RARG: variants seen among roughly 807,000 people sequenced by gnomAD.
RARG encodes RAR-gamma.
A neutral mutation model predicts 43.7 loss-of-function variants in RARG; 17 were observed. The observed-to-expected ratio is 0.39, with a 90% CI of 0.27 to 0.58. The LOEUF (loss-of-function observed/expected upper bound fraction) is 0.58. Among genes scored for constraint, RARG ranks in the 20% least tolerant of loss-of-function variants. The pLI is 0.57. For synonymous variants in RARG, 238 were observed against 236.4 expected, an observed-to-expected ratio of 1.01 and a Z score of -0.06; for missense variants, 346 against 598.7, an observed-to-expected ratio of 0.58 and a Z score of 4.40.
Position 53,211,747 on chromosome 12 carries a change from G to A in RARG, c.1294C>T (p.His432Tyr), listed in dbSNP as rs937877745. 7 of 1,568,384 alleles carry A rather than the reference G, an allele frequency of 4.5e-6. No homozygotes were observed. Among genetic ancestry groups the A allele is most frequent in the African/African-American group, 1.4e-5 (1 of 71,724 alleles). Residue 432 changes from histidine to tyrosine, a missense_variant, in exon 10 of 10, where the codon CAC becomes TAC. Physicochemically the swap from His to Tyr is moderately conservative, Grantham distance 83. This residue lies in a region of RARG where 40 missense variants were observed against 44.6 expected (regional missense o/e 0.90). Coordinates refer to ENST00000425354, the MANE Select transcript of RARG (RefSeq NM_000966.6). The surrounding 1 kb of genome is among the most constrained non-coding windows in gnomAD (Gnocchi z 4.6). Reference protein sequence around the residue: ...FEDDSSQPGPHPNASSEDEVP... With the variant: ...FEDDSSQPGPYPNASSEDEVP... ...TCATCCTCGCTAGAGGCATTGGGGTGGGGACCAGGCTGCGAGGAGTCATCC... is the reference window on the plus strand; with the variant it reads ...TCATCCTCGCTAGAGGCATTGGGGTAGGGACCAGGCTGCGAGGAGTCATCC...
Position 53,213,620 on chromosome 12 carries a change from C to T in RARG, c.894G>A (p.Gln298=), listed in dbSNP as rs1357769018. ...GGGGCCCGAAGCCGGCATTGTGCAT[C>T]TGGGTCCGGTTCAGGGTCAGCCCGT... ...FSDGLTLNRT[Q]MHNAGFGPLT... is the part of the protein sequence containing the mutation. The change falls in exon 8 of 10, where the codon CAG becomes CAA. Residue 298 remains glutamine, a synonymous_variant. Transcript: ENST00000425354. The surrounding 1 kb of genome is among the most constrained non-coding windows in gnomAD (Gnocchi z 4.7). The T allele has an allele frequency of 6.2e-7, 1 of 1,614,070 alleles. No individual in the cohort carries two copies. The highest frequency in any genetic ancestry group is 1.7e-5 in the Admixed American group (1 of 60,024).
Position 53,227,394 on chromosome 12 carries a change from T to C in RARG, c.152A>G (p.Gln51Arg). The change falls in exon 3 of 10, where the codon CAG (glutamine) becomes CGG (arginine). Residue 51 changes from glutamine to arginine, a missense_variant. Transcript: ENST00000425354. This position sits in a 1 kb window ranked among gnomAD's most constrained non-coding sequence, Gnocchi z 4.3. ...GGCCATCTCCTTGGGGAGGTCAGGC[T>C]GGCCCAGGCCCCGGAAGCTAGGGCT... is the stretch of plus-strand genomic sequence containing the variant. ...MLSPSFRGLGQPDLPKEMASL... is the reference protein window; with the variant it reads ...MLSPSFRGLGRPDLPKEMASL... 2 of 1,596,936 alleles carry C rather than the reference T, an allele frequency of 1.3e-6. No homozygotes were observed. The highest frequency in any genetic ancestry group is 1.7e-6 in the Non-Finnish European group (2 of 1,172,166).
At chr12:53,217,919 ACCTC>A (rs1942824096) in intron 3 of RARG, among the ~76,000 whole-genome samples, 1 of 152,088 alleles carries the variant, frequency 6.6e-6, no homozygotes, top group African/African-American at 2.4e-5. Context: ...TCTAGCACAC[ACCTC>A]CTTGGAGACA....
Position 53,211,787 on chromosome 12 carries a change from G to A in RARG, c.1254C>T (p.Asn418=). 1 of 1,563,098 alleles carries A rather than the reference G, an allele frequency of 6.4e-7. No homozygotes were observed. The highest frequency in any genetic ancestry group is 8.7e-7 in the Non-Finnish European group (1 of 1,153,888). ...MPPLIREMLE[N]PEMFEDDSSQ... ...AGGAGTCATCCTCAAACATTTCAGG[G>A]TTCTCCAGCATCTCTCGGATTAAGG... Residue 418 remains asparagine, a synonymous_variant, in exon 10 of 10, where the codon AAC becomes AAT. Coordinates refer to ENST00000425354, the MANE Select transcript of RARG (RefSeq NM_000966.6). The surrounding 1 kb of genome is among the most constrained non-coding windows in gnomAD (Gnocchi z 4.6).
In RARG at chr12:53,223,064, G is replaced by A. The variant is rs562086059; in HGVS notation, c.184+4298C>T. Among the ~76,000 whole-genome samples the A allele has an allele frequency of 7.2e-5, 11 of 152,124 alleles. No homozygotes were observed. In the East Asian group the frequency reaches 1.7e-3, roughly 24 times the overall value. ...AAGCCATTAGCACTCAGATTCTTTC[G>A]GGGTCACCCCTTAGAGTCCCTGCCA... is the stretch of plus-strand genomic sequence containing the variant. On this transcript the variant is annotated intron_variant, in intron 3 of 9. Coordinates refer to ENST00000425354, the MANE Select transcript of RARG (RefSeq NM_000966.6).
chr12:53,220,086 C>T, intron 3 of RARG: 1 of 1,550,222 alleles, frequency 6.5e-7, no homozygotes, highest in Non-Finnish European at 8.7e-7. Flanking sequence ...CAAACGTTTC[C>T]ATACAGTCGT....
intron 3 of RARG, among the ~76,000 whole-genome samples, chr12:53,222,733 C>T (rs1817380596): frequency 1.3e-5 from 2 of 151,620 alleles, no homozygotes; most frequent in African/African-American, 4.9e-5. Flanking sequence ...TCAACCCTGA[C>T]CCCCCCATTC....
intron 2 of RARG, among the ~76,000 whole-genome samples, chr12:53,229,491 C>A (rs971170280): frequency 5.9e-5 from 9 of 152,204 alleles, no homozygotes; most frequent in Admixed American, 1.3e-4. Flanking sequence ...CTGCCCCTCA[C>A]CATGGCACCA....
chr12:53,217,675 C>T (rs1164514434), intron 3 of RARG, among the ~76,000 whole-genome samples: 10 of 152,222 alleles, frequency 6.6e-5, no homozygotes, highest in Non-Finnish European at 2.9e-5. Flanking sequence ...CAATCAGATC[C>T]CCTCCCCAGA....
chr12:53,230,533 G>A (rs1420041478), intron 2 of RARG, among the ~76,000 whole-genome samples: 1 of 152,152 alleles, frequency 6.6e-6, no homozygotes, highest in East Asian at 1.9e-4. Flanking sequence ...CTCCCCAGGA[G>A]GCAGCAGTGG....
chr12:53,223,151 C>A (rs184339015), intron 3 of RARG, among the ~76,000 whole-genome samples: 2 of 152,346 alleles, frequency 1.3e-5, no homozygotes, highest in East Asian at 1.9e-4. Context: ...TCCTCATGCA[C>A]CCTGCCTTTC....
In RARG at chr12:53,227,766, G is replaced by C. The variant is rs1943142458; in HGVS notation, c.-142-79C>G. ...CAAGCCCTGTGACCCTCTCTCAGTT[G>C]CAGTCTTCTCCCTCTGTGCTGCTAC... is the stretch of plus-strand genomic sequence containing the variant. On this transcript the variant is annotated intron_variant, in intron 2 of 9. Transcript: ENST00000425354. This position sits in a 1 kb window ranked among gnomAD's most constrained non-coding sequence, Gnocchi z 4.3. 9.5e-7 allele frequency: 1 copy of C among 1,049,542 alleles called. No homozygotes were observed. The highest frequency in any genetic ancestry group is 1.2e-6 in the Non-Finnish European group (1 of 808,178). The allele number at this position is 1,049,542 out of a possible 1,614,324, so 65.0% of individuals were successfully genotyped here.
chr12:53,220,015 GCT>G (rs1942905209), intron 3 of RARG: 3 of 1,530,894 alleles, frequency 2.0e-6, no homozygotes, highest in Non-Finnish European at 2.6e-6. Context: ...GCCGCCGGTG[GCT>G]CTGCGCAGCA....
rs756530442 is a variant in RARG at position 53,215,826 on chromosome 12, G to T, written c.185-32C>A. The T allele has an allele frequency of 3.4e-5, 54 of 1,565,518 alleles. No individual in the cohort carries two copies. Among genetic ancestry groups the T allele is most frequent in the Admixed American group, 1.6e-4 (9 of 56,620 alleles). ...GGGAAGCAGTGATGTGAGGGTCAGG[G>T]GAGAAGGACCCCACAGACCTCCAGG... On this transcript the variant is annotated intron_variant, in intron 3 of 9. Transcript: ENST00000425354. This position sits in a 1 kb window ranked among gnomAD's most constrained non-coding sequence, Gnocchi z 6.4.
At chr12:53,222,048 G>T (rs925532364) in intron 3 of RARG, among the ~76,000 whole-genome samples, 1 of 152,040 alleles carries the variant, frequency 6.6e-6, no homozygotes, top group Non-Finnish European at 1.5e-5. Flanking sequence ...CTGGGAAAAG[G>T]CCTGACTTGT....
intron 9 of RARG, among the ~76,000 whole-genome samples, chr12:53,212,727 AAT>A (rs775006726): frequency 0.11 from 15,226 of 144,596 alleles, 833 homozygotes; most frequent in South Asian, 0.23. Flanking sequence ...TTTGTCTCTA[AAT>A]ATATATATAC....
Position 53,214,526 on chromosome 12 carries a change from A to C in RARG, c.556T>G (p.Leu186Val). Residue 186 changes from leucine to valine, a missense_variant, in exon 6 of 10, where the codon TTA (leucine) becomes GTA (valine). Transcript: ENST00000425354. ...CTGACCTTGGTGATGAGCTCTTCTAACTGAGGGCTCAGCTCATAGCTGTCA... is the reference window on the plus strand; with the variant it reads ...CTGACCTTGGTGATGAGCTCTTCTACCTGAGGGCTCAGCTCATAGCTGTCA... The part of the protein sequence containing the change: ...SPDSYELSPQ[L>V]EELITKVSKA... The C allele has an allele frequency of 1.2e-6, 2 of 1,613,730 alleles. No individual in the cohort carries two copies. The highest frequency in any genetic ancestry group is 1.7e-6 in the Non-Finnish European group (2 of 1,179,700).
chr12:53,216,860 G>GCT (rs1320283470), intron 3 of RARG, among the ~76,000 whole-genome samples: 1 of 121,712 alleles, frequency 8.2e-6, no homozygotes, highest in Admixed American at 7.7e-5. Flanking sequence ...GCGCGCGCGC[G>GCT]CGTGTGGTTG....
intron 2 of RARG, chr12:53,230,009 G>A (rs1943193458): frequency 2.1e-6 from 2 of 965,662 alleles, no homozygotes; most frequent in Non-Finnish European, 2.5e-6. Context: ...AAGAGAGGAA[G>A]GGGGTAGAGA....
Sources: gnomAD v4.1 joint callset for allele counts (sites outside exome capture counted in the v4.1 genomes callset) on GRCh38, gnomAD v4.1.1 for gene constraint, gnomAD v4.1.1 regional missense constraint, Gnocchi (gnomAD v3.1) non-coding constraint, MANE v1.5 for transcripts, NCBI Gene and HGNC (gene_info 2026-07-23, HGNC 2026-07-21) for gene names.